Variants in SLC14A2 observed in about 807,000 individuals in gnomAD.
SLC14A2 encodes the protein urea transporter 2.
In SLC14A2, 91 loss-of-function variants were observed where a neutral mutation model predicts 104.6. That is an observed-to-expected ratio of 0.87 (90% CI 0.73 to 1.04). The LOEUF (loss-of-function observed/expected upper bound fraction) is 1.04. Ranked by LOEUF, SLC14A2 falls within the 50% of genes least tolerant of loss-of-function variation. The pLI, the probability that SLC14A2 is intolerant of heterozygous loss-of-function variation, is 0.00. For missense variants in SLC14A2, 1,189 were observed against 1,156.0 expected (o/e 1.03, Z -0.41); for synonymous variants, 476 against 466.4 (o/e 1.02, Z -0.27).
At chr18:45,173,276 C>G in the SLC14A2 span, among the ~76,000 whole-genome samples, 1 of 151,980 alleles carries the variant, frequency 6.6e-6, no homozygotes, top group South Asian at 2.1e-4. Context: ...AAAGGAAAAC[C>G]CACATCTGAT....
In SLC14A2 at chr18:45,627,128, C is replaced by G; in HGVS notation, c.502C>G (p.Leu168Val). 6.2e-7 allele frequency: 1 copy of G among 1,614,144 alleles called. No individual in the cohort carries two copies. Among genetic ancestry groups the G allele is most frequent in the East Asian group, 2.2e-5 (1 of 44,872 alleles). ...LGTVVSTLTA[L>V]ALGQDRSAIA... Reference sequence around the variant, plus strand: ...GACAGTGGTCTCGACCTTAACAGCTCTCGCCTTGGGCCAAGACAGGTGGGT... The same window carrying G: ...GACAGTGGTCTCGACCTTAACAGCTGTCGCCTTGGGCCAAGACAGGTGGGT... Residue 168 changes from leucine to valine, a missense_variant, in exon 4 of 20, where the codon CTC (leucine) becomes GTC (valine). Physicochemically the swap from Leu to Val is conservative, Grantham distance 32 (BLOSUM62 1). Coordinates refer to ENST00000255226, the MANE Select transcript of SLC14A2 (RefSeq NM_007163.4).
At chr18:45,459,673 T>G (rs1483247076) in intron 1 of SLC14A2, among the ~76,000 whole-genome samples, 4 of 152,138 alleles carry the variant, frequency 2.6e-5, no homozygotes, top group Non-Finnish European at 4.4e-5. Flanking sequence ...ACACACAGAA[T>G]CGGGACATCT....
chr18:45,306,632 G>A (rs2085024310), intron 1 of SLC14A2, among the ~76,000 whole-genome samples: 1 of 152,080 alleles, frequency 6.6e-6, no homozygotes, highest in African/African-American at 2.4e-5. Context: ...CTCATGATTT[G>A]GCCAACGGTC....
chr18:45,383,707 G>T (rs2085863385), intron 1 of SLC14A2, among the ~76,000 whole-genome samples: 1 of 152,136 alleles, frequency 6.6e-6, no homozygotes, highest in Non-Finnish European at 1.5e-5. Context: ...TGCCACCCAG[G>T]CTTAATCTTG....
At chr18:45,546,184 A>G (rs900669682) in intron 2 of SLC14A2, among the ~76,000 whole-genome samples, 9 of 152,222 alleles carry the variant, frequency 5.9e-5, no homozygotes, top group Admixed American at 5.9e-4. Context: ...CAACATGCCT[A>G]TTACTTTTGC....
intron 1 of SLC14A2, among the ~76,000 whole-genome samples, chr18:45,225,005 A>G (rs2084100190): frequency 2.0e-5 from 3 of 152,100 alleles, no homozygotes; most frequent in Admixed American, 2.0e-4. Context: ...ATTAGATCCC[A>G]TTTGTCAATT....
chr18:45,656,480 G>C (rs149715650), intron 10 of SLC14A2, among the ~76,000 whole-genome samples: 125 of 152,344 alleles, frequency 8.2e-4, no homozygotes, highest in Non-Finnish European at 1.5e-3. Flanking sequence ...TTGAGTAAGA[G>C]AGTGACATAA....
chr18:45,425,244 A>G (rs991035807), intron 1 of SLC14A2, among the ~76,000 whole-genome samples: 1 of 152,236 alleles, frequency 6.6e-6, no homozygotes, highest in South Asian at 2.1e-4. Context: ...TCTTATTTTA[A>G]GATGGCCTTC....
At chr18:45,438,155 G>A (rs1224676949) in intron 1 of SLC14A2, 4 of 152,142 alleles carry the variant, frequency 2.6e-5, no homozygotes. Flanking sequence ...TCTTAACTAT[G>A]GTAGGTACTC....
intron 1 of SLC14A2, among the ~76,000 whole-genome samples, chr18:45,331,198 C>T (rs2085286274): frequency 6.6e-6 from 1 of 152,146 alleles, no homozygotes; most frequent in Non-Finnish European, 1.5e-5. Flanking sequence ...ATCTAACTCC[C>T]TTTGTCTTCA....
chr18:45,551,725 C>T (rs1356637469), intron 2 of SLC14A2, among the ~76,000 whole-genome samples: 1 of 152,154 alleles, frequency 6.6e-6, no homozygotes, highest in African/African-American at 2.4e-5. Flanking sequence ...AGGGCAGTGA[C>T]TGTGAAAGGT....
At chr18:45,678,330 C>A (rs2046259380) in intron 18 of SLC14A2, among the ~76,000 whole-genome samples, 1 of 152,168 alleles carries the variant, frequency 6.6e-6, no homozygotes. Context: ...GCTGGGCACA[C>A]AATAACACAC....
intron 1 of SLC14A2, among the ~76,000 whole-genome samples, chr18:45,372,918 T>C (rs2085738051): frequency 6.6e-6 from 1 of 152,246 alleles, no homozygotes; most frequent in African/African-American, 2.4e-5. Flanking sequence ...TTTACATTCT[T>C]TTTTCATGTT....
chr18:45,279,560 G>A (rs960069847), intron 1 of SLC14A2, among the ~76,000 whole-genome samples: 5 of 152,144 alleles, frequency 3.3e-5, no homozygotes, highest in Admixed American at 6.5e-5. Flanking sequence ...GACACAGAGT[G>A]TGTAGTTTAC....
chr18:45,659,960 A>C (rs2045908796), intron 10 of SLC14A2, among the ~76,000 whole-genome samples: 1 of 104,726 alleles, frequency 9.5e-6, no homozygotes, highest in African/African-American at 3.7e-5. Flanking sequence ...CACTGGCTCT[A>C]CAAAAAAAAA....
chr18:45,622,129 T>C (rs1318327229), intron 1 of SLC14A2, among the ~76,000 whole-genome samples: 1 of 152,116 alleles, frequency 6.6e-6, no homozygotes, highest in East Asian at 1.9e-4. Flanking sequence ...GAGATTAATA[T>C]GGCAACTCTT....
In SLC14A2 at chr18:45,644,221, T is replaced by C. The variant is rs2045582631; in HGVS notation, c.1351+61T>C. 3 of 1,546,922 alleles carry C rather than the reference T, an allele frequency of 1.9e-6. No individual in the cohort carries two copies. In the African/African-American group the frequency reaches 4.1e-5, roughly 21 times the overall value. ...CCTGACCTGATGTCCTCTCCCTGTG[T>C]TCTCTGCTCTGGTTCAATCAGTTGC... On this transcript the variant is annotated intron_variant, in intron 10 of 19. Coordinates refer to ENST00000255226, the MANE Select transcript of SLC14A2 (RefSeq NM_007163.4).
At chr18:45,188,843 T>C in the SLC14A2 span, among the ~76,000 whole-genome samples, 1 of 152,090 alleles carries the variant, frequency 6.6e-6, no homozygotes, top group South Asian at 2.1e-4. Flanking sequence ...CAATTGAGAG[T>C]TCAGGACACC....
intron 1 of SLC14A2, among the ~76,000 whole-genome samples, chr18:45,325,604 C>T (rs1230012553): frequency 2.0e-5 from 3 of 152,122 alleles, no homozygotes; most frequent in Non-Finnish European, 4.4e-5. Flanking sequence ...TAATTGCTTA[C>T]ATTTGTGTAG....
Sources: allele counts gnomAD v4.1 joint callset (sites outside exome capture counted in the v4.1 genomes callset), GRCh38; gene constraint gnomAD v4.1.1; transcripts MANE v1.5; gene names NCBI Gene and HGNC (gene_info 2026-07-23, HGNC 2026-07-21).